ATAD2B: variants seen among roughly 807,000 people sequenced by gnomAD.
The protein encoded by ATAD2B is ATPase family AAA domain-containing protein 2B.
ATAD2B carries 40 observed loss-of-function variants against 167.6 expected under a neutral mutation model. The ratio of observed to expected loss-of-function variants is 0.24; its 90% CI spans 0.19 to 0.31. The LOEUF (loss-of-function observed/expected upper bound fraction) is 0.31, where lower values mean the gene tolerates loss of function less well. Among genes scored for constraint, ATAD2B ranks in the 10% least tolerant of loss-of-function variants. The pLI is 1.00. For synonymous variants in ATAD2B, 579 were observed against 596.5 expected, an observed-to-expected ratio of 0.97 and a Z score of 0.43; for missense variants, 1,242 against 1,757.2, an observed-to-expected ratio of 0.71 and a Z score of 5.24.
At chr2:23,806,577 C>CT (rs897756885) in intron 18 of ATAD2B, among the ~76,000 whole-genome samples, 18 of 151,184 alleles carry the variant, frequency 1.2e-4, no homozygotes, top group East Asian at 1.9e-4. Context: ...AAACAGAACT[C>CT]TTTTTTTTTA....
At chr2:23,707,082 T>C in the ATAD2B span, 1 of 154,810 alleles carries the variant, frequency 6.5e-6, no homozygotes, top group Non-Finnish European at 1.4e-5. Context: ...CAAAGTGTCC[T>C]TATCACTTTG....
chr2:23,915,551 T>TTACAG (rs1325211359), intron 1 of ATAD2B, among the ~76,000 whole-genome samples: 2 of 150,876 alleles, frequency 1.3e-5, no homozygotes, highest in African/African-American at 4.8e-5. Context: ...GTAGCTGGGA[T>TTACAG]TACAGGTGTA....
At chr2:23,848,338 G>C (rs1692014746) in intron 13 of ATAD2B, among the ~76,000 whole-genome samples, 2 of 152,078 alleles carry the variant, frequency 1.3e-5, no homozygotes, top group South Asian at 4.1e-4. Flanking sequence ...AAATTAGCCA[G>C]GCATGGTGGC....
At chr2:23,822,778 C>T (rs1183895168) in intron 16 of ATAD2B, among the ~76,000 whole-genome samples, 4 of 151,616 alleles carry the variant, frequency 2.6e-5, no homozygotes, top group Admixed American at 2.0e-4. Context: ...ATTAGCCGGG[C>T]GTGGTGGCAG....
intron 8 of ATAD2B, among the ~76,000 whole-genome samples, chr2:23,873,445 A>G (rs1442939849): frequency 6.6e-6 from 1 of 152,236 alleles, no homozygotes; most frequent in African/African-American, 2.4e-5. Context: ...CCCTTACATA[A>G]AAATAGTATA....
At chr2:23,740,761 T>A in the ATAD2B span, among the ~76,000 whole-genome samples, 4 of 152,190 alleles carry the variant, frequency 2.6e-5, no homozygotes, top group Non-Finnish European at 5.9e-5. Flanking sequence ...GAAGTCAAAT[T>A]GTCCCTGCTT....
Position 23,857,441 on chromosome 2 carries a change from G to A in ATAD2B, c.1542C>T (p.Arg514=), listed in dbSNP as rs1490643774. The change falls in exon 13 of 28, where the codon CGC becomes CGT. Residue 514 remains arginine, a synonymous_variant. Coordinates refer to ENST00000238789, the MANE Select transcript of ATAD2B (RefSeq NM_017552.4). ...TGTGGATCTGATCTTGTCTGCTAGA[G>A]CGAACTGGAGCTAATCCATCTATTT... ...FDEIDGLAPV[R]SSRQDQIHSS... is the part of the protein sequence containing the mutation. 1 of 1,517,714 alleles carries A rather than the reference G, an allele frequency of 6.6e-7. No individual in the cohort carries two copies. The highest frequency in any genetic ancestry group is 8.8e-7 in the Non-Finnish European group (1 of 1,139,324). 94.0% of individuals were successfully genotyped at this position (1,517,714 alleles called of 1,614,324 possible).
chr2:23,898,239 C>T (rs1029301077), intron 1 of ATAD2B, among the ~76,000 whole-genome samples: 2 of 152,162 alleles, frequency 1.3e-5, no homozygotes, highest in East Asian at 1.9e-4. Flanking sequence ...CACCACACCT[C>T]GCCCAGCAAC....
intron 13 of ATAD2B, among the ~76,000 whole-genome samples, chr2:23,843,895 T>C (rs2149830546): frequency 6.6e-6 from 1 of 152,186 alleles, no homozygotes; most frequent in South Asian, 2.1e-4. Context: ...GAATAATTAG[T>C]CCTACACTCA....
chr2:23,762,487 G>C, intron 23 of ATAD2B, 141 bp from the exon 24 acceptor site: 1 of 721,206 alleles, frequency 1.4e-6, no homozygotes, highest in South Asian at 2.8e-5. Context: ...AATGAAAGCA[G>C]TGTCTTTTGT....
chr2:23,684,582 A>T, the ATAD2B span: 1 of 1,489,914 alleles, frequency 6.7e-7, no homozygotes, highest in South Asian at 1.3e-5. This position sits in a 1 kb window ranked among gnomAD's most constrained non-coding sequence, Gnocchi z 4.4. Context: ...CCTTTGTAGG[A>T]CGCTTTTGTG....
intron 16 of ATAD2B, among the ~76,000 whole-genome samples, chr2:23,822,832 C>T (rs1303167458): frequency 6.8e-6 from 1 of 146,096 alleles, no homozygotes; most frequent in Non-Finnish European, 1.5e-5. Context: ...GCAGGAGAAT[C>T]GCTGTACCCG....
At chr2:23,704,570 C>G in the ATAD2B span, among the ~76,000 whole-genome samples, 1 of 152,192 alleles carries the variant, frequency 6.6e-6, no homozygotes, top group East Asian at 1.9e-4. Context: ...AGTTCAAGAC[C>G]AGCTTGGCCA....
rs571852694 is a variant in ATAD2B at position 23,768,970 on chromosome 2, T to C, written c.3134-3342A>G. On this transcript the variant is annotated intron_variant, in intron 22 of 27. Transcript: ENST00000238789. Reference sequence around the variant, plus strand: ...ATTATAAACAAAGTCACTATAAACATTGATGAACAAACCTTTGTATGGAAA... The same window carrying C: ...ATTATAAACAAAGTCACTATAAACACTGATGAACAAACCTTTGTATGGAAA... Among the ~76,000 whole-genome samples the C allele has an allele frequency of 2.6e-5, 4 of 152,324 alleles. No homozygotes were observed. In the South Asian group the frequency reaches 6.2e-4, roughly 24 times the overall value.
At chr2:23,898,208 G>A (rs1220364362) in intron 1 of ATAD2B, among the ~76,000 whole-genome samples, 1 of 152,186 alleles carries the variant, frequency 6.6e-6, no homozygotes, top group African/African-American at 2.4e-5. Context: ...CTCTCAAAGT[G>A]CTAGGATTAT....
chr2:23,842,756 A>G (rs1691129739), intron 13 of ATAD2B, among the ~76,000 whole-genome samples: 1 of 152,216 alleles, frequency 6.6e-6, no homozygotes, highest in South Asian at 2.1e-4. Context: ...GCTGGTCCTG[A>G]ACAAAGCAAG....
intron 19 of ATAD2B, among the ~76,000 whole-genome samples, chr2:23,790,409 G>A (rs182691050): frequency 1.5e-4 from 23 of 152,198 alleles, no homozygotes; most frequent in Admixed American, 1.2e-3. Flanking sequence ...GACGTACCAC[G>A]ATTTCGTTCA....
chr2:23,808,185 ATATATTTAT>A (rs1684956788), intron 18 of ATAD2B, among the ~76,000 whole-genome samples: 1 of 109,786 alleles, frequency 9.1e-6, no homozygotes, highest in Non-Finnish European at 1.9e-5. Flanking sequence ...ATATTTATAT[ATATATTTAT>A]ATTTATATAA....
At chr2:23,736,447 G>A in the ATAD2B span, among the ~76,000 whole-genome samples, 1 of 152,044 alleles carries the variant, frequency 6.6e-6, no homozygotes, top group Non-Finnish European at 1.5e-5. Context: ...GCAACTTGGA[G>A]GAAAAAGAGA....
Sources: gnomAD v4.1 joint callset for allele counts (sites outside exome capture counted in the v4.1 genomes callset) on GRCh38, gnomAD v4.1.1 for gene constraint, Gnocchi (gnomAD v3.1) non-coding constraint, MANE v1.5 for transcripts, NCBI Gene and HGNC (gene_info 2026-07-23, HGNC 2026-07-21) for gene names.